SUSD1: variants seen among roughly 807,000 people sequenced by gnomAD.
SUSD1 encodes sushi domain-containing protein 1.
A neutral mutation model predicts 86.9 loss-of-function variants in SUSD1; 65 were observed. The observed-to-expected ratio is 0.75, with a 90% CI of 0.61 to 0.92. The LOEUF is 0.92. Among genes scored for constraint, SUSD1 ranks in the 40% least tolerant of loss-of-function variants. The pLI, the probability that SUSD1 is intolerant of heterozygous loss-of-function variation, is 0.00. For synonymous variants in SUSD1, 346 were observed against 350.0 expected (o/e 0.99, Z 0.13); for missense variants, 850 against 929.7 (o/e 0.91, Z 1.11).
chr9:112,064,849 C>G (rs1828904158), intron 12 of SUSD1, among the ~76,000 whole-genome samples: 1 of 148,626 alleles, frequency 6.7e-6, no homozygotes, highest in Non-Finnish European at 1.5e-5. Context: ...GCACTCCAGC[C>G]TGGGTGACAG....
chr9:112,052,877 C>G (rs1012095094), intron 14 of SUSD1, among the ~76,000 whole-genome samples: 13 of 152,166 alleles, frequency 8.5e-5, no homozygotes, highest in Non-Finnish European at 1.8e-4. Flanking sequence ...AATACTTCAT[C>G]TATCTAGATG....
chr9:112,092,312 G>A (rs923920985), intron 10 of SUSD1, among the ~76,000 whole-genome samples: 5 of 152,164 alleles, frequency 3.3e-5, no homozygotes, highest in African/African-American at 1.2e-4. Flanking sequence ...TCTGTGTTCA[G>A]GGGCAATACA....
chr9:112,061,698 G>T (rs1390303292), intron 13 of SUSD1, among the ~76,000 whole-genome samples: 1 of 152,096 alleles, frequency 6.6e-6, no homozygotes, highest in African/African-American at 2.4e-5. Flanking sequence ...AAAGATCTTT[G>T]CACATTTACT....
chr9:112,174,473 C>T (rs1412818737), intron 1 of SUSD1, among the ~76,000 whole-genome samples: 1 of 152,214 alleles, frequency 6.6e-6, no homozygotes, highest in Non-Finnish European at 1.5e-5. Context: ...AAACAACTCC[C>T]TCGATTGCTT....
rs1564330740 is a variant in SUSD1, at chr9:112,140,079, G to GTCCA, written c.706+2240_706+2241insTGGA. Among the ~76,000 whole-genome samples, 154 of 128,562 alleles carry GTCCA rather than the reference G, an allele frequency of 1.2e-3. 3 individuals carry two copies. Among genetic ancestry groups the GTCCA allele is most frequent in the African/African-American group, 1.8e-3 (50 of 27,358 alleles). The allele number at this position is 128,562 out of a possible 152,430, so 84.3% of individuals were successfully genotyped here. A position where few individuals can be genotyped will look rare whatever the true frequency, so the allele number is the denominator to read the frequency against. ...CATCTCTATAAAAAATACAAAAATT[G>GTCCA]GGGCCGGGCGCGGTGGCTCACGCCT... On this transcript the variant is annotated intron_variant, in intron 5 of 16. Transcript: ENST00000374270.
At position 112,113,937 on chromosome 9, in the gene SUSD1, T is replaced by TAATAA. The variant is rs1279757431; in HGVS notation, c.887-1074_887-1070dup. 3.3e-5 allele frequency among the ~76,000 whole-genome samples: 5 copies of TAATAA among 151,310 alleles called. No homozygotes were observed. The highest frequency in any genetic ancestry group is 2.1e-4 in the South Asian group (1 of 4,750). ...ACGGAGCAAAACTCCATCTCAAAAG[T>TAATAA]AATAAAATAAAATAAAATAAACTTC... On this transcript the variant is annotated intron_variant, in intron 6 of 16. Transcript: ENST00000374270. The surrounding 1 kb of genome is among the most constrained non-coding windows in gnomAD (Gnocchi z 4.1).
At position 112,114,579 on chromosome 9, in the gene SUSD1, G is replaced by T. The variant is rs143883301; in HGVS notation, c.887-1711C>A. Among the ~76,000 whole-genome samples, 13 of 152,288 alleles carry T rather than the reference G, an allele frequency of 8.5e-5. 1 individual carries two copies. Among genetic ancestry groups the T allele is most frequent in the African/African-American group, 2.9e-4 (12 of 41,562 alleles). On this transcript the variant is annotated intron_variant, in intron 6 of 16. Coordinates refer to ENST00000374270, the MANE Select transcript of SUSD1 (RefSeq NM_022486.5). ...AGTTGTCCTCATGTCACCAAAAAGG[G>T]ATATTCCACAGCCCCAGCTCAAGCT...
intron 1 of SUSD1, among the ~76,000 whole-genome samples, chr9:112,165,875 AAG>A (rs1282033883): frequency 3.7e-5 from 5 of 136,432 alleles, no homozygotes; most frequent in South Asian, 2.4e-4. Context: ...GGAAGGAAGA[AAG>A]AGAAAGAAAA....
chr9:112,142,529 C>T (rs1832623827), intron 4 of SUSD1, 30 bp from the exon 5 acceptor site: 1 of 1,595,958 alleles, frequency 6.3e-7, no homozygotes, highest in East Asian at 2.3e-5. Context: ...AAATTCATTA[C>T]CTCGTGAATG....
chr9:112,160,282 G>T (rs948275075), intron 1 of SUSD1, among the ~76,000 whole-genome samples: 6 of 152,170 alleles, frequency 3.9e-5, no homozygotes, highest in African/African-American at 1.4e-4. Context: ...AGTGGCTCAC[G>T]CCTGTAATCT....
chr9:112,130,487 AG>A (rs1831974015), intron 5 of SUSD1, among the ~76,000 whole-genome samples: 2 of 147,004 alleles, frequency 1.4e-5, no homozygotes, highest in Non-Finnish European at 3.0e-5. Context: ...GGGAAAGGAG[AG>A]GGAGAGGAGA....
chr9:112,079,664 G>A (rs888602603), intron 11 of SUSD1, among the ~76,000 whole-genome samples: 4 of 150,440 alleles, frequency 2.7e-5, no homozygotes, highest in Admixed American at 6.6e-5. Flanking sequence ...GTTCAGTGGC[G>A]CGATCTTGGT....
intron 13 of SUSD1, among the ~76,000 whole-genome samples, chr9:112,062,608 T>C (rs1340545553): frequency 6.6e-6 from 1 of 152,048 alleles, no homozygotes; most frequent in Non-Finnish European, 1.5e-5. Context: ...GGAAGGAGAA[T>C]CACTTGCACC....
At chr9:112,062,321 C>T (rs185853953) in intron 13 of SUSD1, among the ~76,000 whole-genome samples, 149 of 152,306 alleles carry the variant, frequency 9.8e-4, no homozygotes, top group Middle Eastern at 3.4e-3. Flanking sequence ...ATGCAACCGA[C>T]GTTTACCCAG....
intron 3 of SUSD1, among the ~76,000 whole-genome samples, chr9:112,144,489 T>C (rs1055287168): frequency 6.6e-6 from 1 of 152,070 alleles, no homozygotes; most frequent in Non-Finnish European, 1.5e-5. Flanking sequence ...GGGCTTCAGA[T>C]AGAAAACAAT....
rs375497176 is a variant in SUSD1, at chr9:112,149,408, A to T, written c.218-9T>A. On this transcript the variant is annotated splice_polypyrimidine_tract_variant and intron_variant, in intron 2 of 16. Coordinates refer to ENST00000374270, the MANE Select transcript of SUSD1 (RefSeq NM_022486.5). ...CTGGCACTCATTTTTATCTGTTGAC[A>T]CACAGACAAGGCACCGGAAGAGCTA... 7.4e-6 allele frequency: 12 copies of T among 1,613,476 alleles called. No homozygotes were observed. The highest frequency in any genetic ancestry group is 8.5e-6 in the Non-Finnish European group (10 of 1,179,762).
chr9:112,078,479 G>A lies in SUSD1; in HGVS notation c.1753+59C>T, dbSNP rs931605697. ...AAGCAACAGTGTTCCTCTTTATCAG[G>A]ACCTATGAACAATTCTGTGGTAACT... is the stretch of plus-strand genomic sequence containing the variant. On this transcript the variant is annotated intron_variant, in intron 12 of 16. Transcript: ENST00000374270. 182 of 1,478,158 alleles carry A rather than the reference G, an allele frequency of 1.2e-4. No individual in the cohort carries two copies. In the African/African-American group the frequency reaches 2.2e-3, roughly 18 times the overall value. The allele number at this position is 1,478,158 out of a possible 1,614,324, so 91.6% of individuals were successfully genotyped here. A position where few individuals can be genotyped will look rare whatever the true frequency, so the allele number is the denominator to read the frequency against.
chr9:112,071,498 T>C (rs1829268915), intron 12 of SUSD1, among the ~76,000 whole-genome samples: 1 of 152,018 alleles, frequency 6.6e-6, no homozygotes, highest in African/African-American at 2.4e-5. Flanking sequence ...TAAATAGCCT[T>C]GGAGTAGGAA....
chr9:112,097,879 G>A (rs994060048), intron 10 of SUSD1, among the ~76,000 whole-genome samples: 1 of 152,114 alleles, frequency 6.6e-6, no homozygotes, highest in Non-Finnish European at 1.5e-5. Context: ...CAGGATTAAA[G>A]AACAAAAGAA....
Sources: allele counts gnomAD v4.1 joint callset (sites outside exome capture counted in the v4.1 genomes callset), GRCh38; gene constraint gnomAD v4.1.1; non-coding constraint Gnocchi (gnomAD v3.1); transcripts MANE v1.5; gene names NCBI Gene and HGNC (gene_info 2026-07-23, HGNC 2026-07-21).